The following CACNA2D3 variants were observed in gnomAD, a reference collection of about 807,000 sequenced individuals.
The protein encoded by CACNA2D3 is calcium voltage-gated channel auxiliary subunit alpha2delta 3, also known as voltage-dependent calcium channel subunit alpha-2/delta-3.
CACNA2D3 carries 60 observed loss-of-function variants against 160.6 expected under a neutral mutation model. That is an observed-to-expected ratio of 0.37 (90% CI 0.30 to 0.46). CACNA2D3 has a LOEUF of 0.46. CACNA2D3 is among the 20% of genes least tolerant of loss of function. The probability of loss-of-function intolerance (pLI) is 1.00; values close to 1 mark genes in which losing one functional copy is unlikely to be tolerated. For synonymous variants in CACNA2D3, 558 were observed against 492.9 expected (o/e 1.13, Z -1.75); for missense variants, 1,205 against 1,365.0 (o/e 0.88, Z 1.85).
intron 12 of CACNA2D3, 43 bp downstream of exon 12, chr3:54,752,720 A>G (rs369025158): frequency 6.4e-5 from 87 of 1,361,048 alleles, no homozygotes; most frequent in Non-Finnish European, 7.9e-5. Flanking sequence ...ACTTCCACCT[A>G]CTTGTGCAGA....
intron 3 of CACNA2D3, among the ~76,000 whole-genome samples, chr3:54,380,720 C>G (rs367926819): frequency 1.6e-5 from 2 of 121,678 alleles, no homozygotes; most frequent in Admixed American, 8.8e-5. Context: ...GACTCCGTCT[C>G]AAAAACAAAA....
chr3:54,175,442 C>A (rs1700660149), intron 2 of CACNA2D3, among the ~76,000 whole-genome samples: 1 of 151,770 alleles, frequency 6.6e-6, no homozygotes, highest in African/African-American at 2.4e-5. Context: ...TGGTGAAACC[C>A]CGTCTCTACT....
In CACNA2D3 at chr3:54,884,786, T is replaced by C. The variant is rs560460273; in HGVS notation, c.1913-495T>C. On this transcript the variant is annotated intron_variant, in intron 21 of 37. Transcript: ENST00000474759. ...ACAGTTGAGTATTGACGACTTCATA[T>C]TGTTCAACCTATGATTTCACCCTCA... Among the ~76,000 whole-genome samples, 131 of 152,364 alleles carry C rather than the reference T, an allele frequency of 8.6e-4. 1 individual carries two copies. The South Asian group carries it at 0.012, about 14-fold the overall frequency.
At chr3:54,795,760 T>C (rs1702854596) in intron 13 of CACNA2D3, among the ~76,000 whole-genome samples, 1 of 152,196 alleles carries the variant, frequency 6.6e-6, no homozygotes, top group Non-Finnish European at 1.5e-5. Context: ...TGATAAGACC[T>C]GACTTTCTAT....
In CACNA2D3 at chr3:54,984,305, GA is replaced by G. The variant is rs879908253; in HGVS notation, c.2557-292del. Among the ~76,000 whole-genome samples, 499 of 139,708 alleles carry G rather than the reference GA, an allele frequency of 3.6e-3. 4 individuals are homozygous for G. The highest frequency in any genetic ancestry group is 0.011 in the African/African-American group (433 of 37,970). 91.7% of individuals were successfully genotyped at this position (139,708 alleles called of 152,430 possible). On this transcript the variant is annotated intron_variant, in intron 29 of 37. Coordinates refer to ENST00000474759, the MANE Select transcript of CACNA2D3 (RefSeq NM_018398.3). ...GGAAATATTATTCAGGTCATATAAAGAAAAAAAAAAAGGAAGACAAACTGTA... is the reference window on the plus strand; with the variant it reads ...GGAAATATTATTCAGGTCATATAAAGAAAAAAAAAAGGAAGACAAACTGTA...
At chr3:54,825,093 C>G (rs575223520) in intron 14 of CACNA2D3, among the ~76,000 whole-genome samples, 1 of 152,232 alleles carries the variant, frequency 6.6e-6, no homozygotes, top group Non-Finnish European at 1.5e-5. Context: ...TAAAATATGA[C>G]TCTTTTAAGG....
intron 21 of CACNA2D3, among the ~76,000 whole-genome samples, chr3:54,882,371 CCT>C (rs139886978): frequency 1.0e-4 from 15 of 150,408 alleles, no homozygotes; most frequent in Non-Finnish European, 1.6e-4. Context: ...TCCCTCCCTT[CCT>C]CTCTCTCTCT....
chr3:54,400,903 A>C (rs1159792519), intron 4 of CACNA2D3, among the ~76,000 whole-genome samples: 2 of 152,208 alleles, frequency 1.3e-5, no homozygotes, highest in African/African-American at 4.8e-5. Context: ...CTCCAAGAAA[A>C]GGAAATTTAT....
At chr3:54,571,128 A>T (rs988090593) in intron 8 of CACNA2D3, among the ~76,000 whole-genome samples, 4 of 152,042 alleles carry the variant, frequency 2.6e-5, no homozygotes, top group African/African-American at 9.7e-5. Flanking sequence ...AGATTTTAAA[A>T]TTTTCTGGTT....
At chr3:54,823,253 C>T (rs1484409044) in intron 14 of CACNA2D3, among the ~76,000 whole-genome samples, 1 of 152,026 alleles carries the variant, frequency 6.6e-6, no homozygotes, top group Admixed American at 6.6e-5. Context: ...TCAGGGTTTA[C>T]TCCATTTTCA....
At chr3:54,898,870 T>G (rs1380769376) in intron 26 of CACNA2D3, among the ~76,000 whole-genome samples, 1 of 152,220 alleles carries the variant, frequency 6.6e-6, no homozygotes, top group African/African-American at 2.4e-5. Flanking sequence ...CGGGAAAATC[T>G]TAAAAATCAC....
intron 3 of CACNA2D3, among the ~76,000 whole-genome samples, chr3:54,366,794 G>T (rs1698834562): frequency 6.6e-6 from 1 of 152,176 alleles, no homozygotes; most frequent in Admixed American, 6.5e-5. Context: ...TTGCCCAGAT[G>T]CCTCTTGATG....
chr3:54,698,037 T>G (rs1352912563), intron 11 of CACNA2D3, among the ~76,000 whole-genome samples: 1 of 152,230 alleles, frequency 6.6e-6, no homozygotes, highest in Non-Finnish European at 1.5e-5. Context: ...TTTTAGCTAT[T>G]GTCATTTTTG....
chr3:54,770,526 G>A (rs1702302024), intron 13 of CACNA2D3, among the ~76,000 whole-genome samples: 2 of 152,190 alleles, frequency 1.3e-5, no homozygotes, highest in Non-Finnish European at 2.9e-5. Flanking sequence ...ATGAGTGCTG[G>A]CAGCAAGCTG....
intron 4 of CACNA2D3, among the ~76,000 whole-genome samples, chr3:54,424,013 C>G (rs1211220011): frequency 1.3e-5 from 2 of 152,034 alleles, no homozygotes; most frequent in Admixed American, 6.6e-5. Flanking sequence ...CTCAGCCTTC[C>G]AAGTAGCTGG....
intron 4 of CACNA2D3, among the ~76,000 whole-genome samples, chr3:54,443,618 T>C (rs1386651578): frequency 1.3e-5 from 2 of 152,154 alleles, no homozygotes; most frequent in Non-Finnish European, 2.9e-5. Context: ...AGCAGACAGA[T>C]CCTTGGCCGA....
chr3:54,780,040 G>C (rs1285833666), intron 13 of CACNA2D3, among the ~76,000 whole-genome samples: 1 of 152,156 alleles, frequency 6.6e-6, no homozygotes, highest in Non-Finnish European at 1.5e-5. Flanking sequence ...GTGCACTACA[G>C]TTTGTTTGTT....
intron 11 of CACNA2D3, among the ~76,000 whole-genome samples, chr3:54,700,858 A>C (rs374306464): frequency 6.6e-6 from 1 of 152,232 alleles, no homozygotes; most frequent in African/African-American, 2.4e-5. Context: ...CTACTTGCCC[A>C]AGTCTCAAAA....
Position 54,293,317 on chromosome 3 carries a change from G to A in CACNA2D3, c.205-27125G>A, listed in dbSNP as rs117773999. Among the ~76,000 whole-genome samples, 589 of 152,100 alleles carry A rather than the reference G, an allele frequency of 3.9e-3. 15 individuals carry two copies. In the East Asian group the frequency reaches 0.063, roughly 16 times the overall value. Reference sequence around the variant, plus strand: ...CACCCATCACCTGAGCAGTATACACGGTACCCGATGTGTAGTCTTTTATCC... The same window carrying A: ...CACCCATCACCTGAGCAGTATACACAGTACCCGATGTGTAGTCTTTTATCC... On this transcript the variant is annotated intron_variant, in intron 2 of 37. Coordinates refer to ENST00000474759, the MANE Select transcript of CACNA2D3 (RefSeq NM_018398.3).
Sources: gnomAD v4.1 joint callset for allele counts (sites outside exome capture counted in the v4.1 genomes callset) on GRCh38, gnomAD v4.1.1 for gene constraint, MANE v1.5 for transcripts, NCBI Gene and HGNC (gene_info 2026-07-23, HGNC 2026-07-21) for gene names.